ESR1: variants seen among roughly 807,000 people sequenced by gnomAD.
ESR1 encodes estrogen receptor 1.
ESR1 carries 12 observed loss-of-function variants against 52.7 expected under a neutral mutation model. The observed-to-expected ratio is 0.23, with a 90% CI of 0.15 to 0.37. The LOEUF is 0.37. Ranked by LOEUF, ESR1 falls within the 10% of genes least tolerant of loss-of-function variation. ESR1 has a pLI of 1.00. For missense variants in ESR1, 584 were observed against 779.7 expected (o/e 0.75, Z 2.99); for synonymous variants, 305 against 316.8 (o/e 0.96, Z 0.39).
At chr6:151,801,758 G>T (rs1777267767), upstream of ESR1, among the ~76,000 whole-genome samples, 1 of 152,234 alleles carries the variant, frequency 6.6e-6, no homozygotes, top group South Asian at 2.1e-4. Flanking sequence ...AGAGTGTTAG[G>T]ACAATTCTGT....
intron 2 of ESR1, among the ~76,000 whole-genome samples, chr6:151,759,791 G>T (rs1030898797): frequency 2.0e-5 from 3 of 152,160 alleles, no homozygotes; most frequent in African/African-American, 7.2e-5. Flanking sequence ...AGAAGGAACA[G>T]ACCTTCCTCA....
Position 151,880,635 on chromosome 6 carries a change from T to C in ESR1, c.644-20T>C, listed in dbSNP as rs1027310877. The C allele has an allele frequency of 7.3e-7, 1 of 1,376,520 alleles. No individual in the cohort carries two copies. Among genetic ancestry groups the C allele is most frequent in the Non-Finnish European group, 1.0e-6 (1 of 962,668 alleles). The allele number at this position is 1,376,520 out of a possible 1,614,324, so 85.3% of individuals were successfully genotyped here. ...AAGTTTCCTGAAATAATATTAATTC[T>C]GTCCTCTTGCTTTTAATAGGACATA... On this transcript the variant is annotated intron_variant, in intron 2 of 7. Transcript: ENST00000206249.
chr6:151,908,800 T>C (rs1190441149), intron 3 of ESR1, among the ~76,000 whole-genome samples: 2 of 152,072 alleles, frequency 1.3e-5, no homozygotes, highest in African/African-American at 4.8e-5. Context: ...CAAAAACTTG[T>C]GCCCTATCCT....
intron 2 of ESR1, among the ~76,000 whole-genome samples, chr6:151,794,701 T>C (rs1209962297): frequency 2.6e-5 from 4 of 152,192 alleles, no homozygotes; most frequent in Non-Finnish European, 4.4e-5. Context: ...ACAATTCATT[T>C]CCAAAAACAC....
intron 3 of ESR1, among the ~76,000 whole-genome samples, chr6:151,881,896 A>G (rs1792990514): frequency 6.9e-6 from 1 of 145,560 alleles, no homozygotes; most frequent in Non-Finnish European, 1.5e-5. Context: ...AAATAAATAA[A>G]TAAATAAATA....
intron 3 of ESR1, among the ~76,000 whole-genome samples, chr6:151,933,128 A>C (rs1304118754): frequency 7.2e-5 from 11 of 151,908 alleles, no homozygotes; most frequent in Non-Finnish European, 1.2e-4. Context: ...CTTTTATTTC[A>C]TTGAGCAGTG....
chr6:152,052,863 A>T (rs2046798248), intron 5 of ESR1, among the ~76,000 whole-genome samples: 1 of 152,108 alleles, frequency 6.6e-6, no homozygotes, highest in African/African-American at 2.4e-5. Flanking sequence ...TATAAATTGC[A>T]AGGTGGGCAG....
At chr6:151,747,668 C>G (rs890294025) in intron 2 of ESR1, among the ~76,000 whole-genome samples, 1 of 152,192 alleles carries the variant, frequency 6.6e-6, no homozygotes, top group African/African-American at 2.4e-5. Context: ...ATCATTGCCA[C>G]AATTAATTCC....
chr6:151,897,620 G>A (rs1386159770), intron 3 of ESR1, among the ~76,000 whole-genome samples: 1 of 152,200 alleles, frequency 6.6e-6, no homozygotes, highest in African/African-American at 2.4e-5. Flanking sequence ...CTTGGTTGGT[G>A]ATTGCTTATC....
chr6:151,978,988 T>A (rs1363712923), intron 4 of ESR1, among the ~76,000 whole-genome samples: 2 of 152,166 alleles, frequency 1.3e-5, no homozygotes, highest in Non-Finnish European at 2.9e-5. Flanking sequence ...GAAGGTTAAA[T>A]GATTAGGTAG....
intron 2 of ESR1, among the ~76,000 whole-genome samples, chr6:151,784,910 A>C (rs1016832133): frequency 6.6e-6 from 1 of 152,354 alleles, no homozygotes; most frequent in African/African-American, 2.4e-5. Context: ...CTGGAAACTC[A>C]GGCAGGAGTT....
intron 3 of ESR1, among the ~76,000 whole-genome samples, chr6:151,914,027 G>A (rs1798669780): frequency 6.6e-6 from 1 of 151,788 alleles, no homozygotes; most frequent in African/African-American, 2.4e-5. Flanking sequence ...AAAATCTTTA[G>A]TTTCAGGATC....
At chr6:151,746,503 T>TA (rs1783493823) in intron 2 of ESR1, among the ~76,000 whole-genome samples, 1 of 152,208 alleles carries the variant, frequency 6.6e-6, no homozygotes, top group South Asian at 2.1e-4. Context: ...ACCTCAGGTG[T>TA]ATTTTACACC....
chr6:151,953,089 A>T (rs754255268), intron 4 of ESR1, among the ~76,000 whole-genome samples: 1 of 152,152 alleles, frequency 6.6e-6, no homozygotes, highest in Non-Finnish European at 1.5e-5. Context: ...GCGTTCTTAG[A>T]ATGGCCCTGA....
At chr6:151,865,113 C>T (rs972519517) in intron 2 of ESR1, among the ~76,000 whole-genome samples, 3 of 150,788 alleles carry the variant, frequency 2.0e-5, no homozygotes, top group African/African-American at 7.4e-5. Flanking sequence ...AATCTACAGT[C>T]CCTTTCTCAA....
chr6:151,939,018 T>A (rs1014426847), intron 3 of ESR1, among the ~76,000 whole-genome samples: 3 of 152,232 alleles, frequency 2.0e-5, no homozygotes, highest in Non-Finnish European at 4.4e-5. Flanking sequence ...TATTGTCTAG[T>A]CAGTTACATA....
chr6:151,669,990 A>C (rs1777992730), intron 1 of ESR1, among the ~76,000 whole-genome samples: 1 of 152,214 alleles, frequency 6.6e-6, no homozygotes, highest in African/African-American at 2.4e-5. Flanking sequence ...GGGAAAACTT[A>C]GTATTGGAGG....
intron 7 of ESR1, among the ~76,000 whole-genome samples, chr6:152,095,979 C>A (rs1248163808): frequency 6.6e-6 from 1 of 152,214 alleles, no homozygotes; most frequent in Non-Finnish European, 1.5e-5. Flanking sequence ...AAAGTGGTCT[C>A]ATTTCCATTC....
At chr6:151,726,718 G>T (rs1232695668) in intron 2 of ESR1, among the ~76,000 whole-genome samples, 1 of 152,296 alleles carries the variant, frequency 6.6e-6, no homozygotes, top group Non-Finnish European at 1.5e-5. Context: ...CCATGTATCT[G>T]CCAAACTTGC....
Sources: gnomAD v4.1 joint callset for allele counts (sites outside exome capture counted in the v4.1 genomes callset) on GRCh38, gnomAD v4.1.1 for gene constraint, MANE v1.5 for transcripts, NCBI Gene and HGNC (gene_info 2026-07-23, HGNC 2026-07-21) for gene names.